Variants in SMOX observed in about 807,000 individuals in gnomAD.
The protein encoded by SMOX is spermine oxidase, also known as flavin containing amine oxidase.
Under a neutral mutation model 51.0 loss-of-function variants are expected in SMOX, and 22 were observed. The ratio of observed to expected loss-of-function variants is 0.43; its 90% CI spans 0.31 to 0.62. The LOEUF is 0.62. Ranked by LOEUF, SMOX falls within the 20% of genes least tolerant of loss-of-function variation. SMOX has a pLI of 0.10. For missense variants in SMOX, 566 were observed against 777.7 expected (o/e 0.73, Z 3.24); for synonymous variants, 282 against 307.8 (o/e 0.92, Z 0.88).
At chr20:4,156,658 C>T (rs1986032337) in intron 1 of SMOX, among the ~76,000 whole-genome samples, 1 of 152,216 alleles carries the variant, frequency 6.6e-6, no homozygotes, top group South Asian at 2.1e-4. Flanking sequence ...GGCAATGGCT[C>T]TGCCTCACTG....
At chr20:4,150,472 T>C (rs1026319162) in intron 1 of SMOX, among the ~76,000 whole-genome samples, 2 of 152,212 alleles carry the variant, frequency 1.3e-5, no homozygotes, top group Non-Finnish European at 2.9e-5. Context: ...CTGCCCTTTT[T>C]CTTAGACTTC....
At chr20:4,162,072 G>A (rs559708304) in intron 1 of SMOX, among the ~76,000 whole-genome samples, 2 of 152,040 alleles carry the variant, frequency 1.3e-5, no homozygotes, top group Middle Eastern at 3.4e-3. Context: ...GGCAGGTCGT[G>A]TGCCTCCTGG....
Position 4,187,206 on chromosome 20 carries a change from T to C in SMOX, c.1531-64T>C, listed in dbSNP as rs1351640783. 9 of 1,545,240 alleles carry C rather than the reference T, an allele frequency of 5.8e-6. No homozygotes were observed. Among genetic ancestry groups the C allele is most frequent in the Non-Finnish European group, 7.9e-6 (9 of 1,141,424 alleles). ...GATGGGAGGTTCTGGTGGAGAGGGG[T>C]GGCCTTGTGGCCTTCTGGCCTTTGC... On this transcript the variant is annotated intron_variant, in intron 6 of 6. Coordinates refer to ENST00000305958, the MANE Select transcript of SMOX (RefSeq NM_175839.3). This position sits in a 1 kb window ranked among gnomAD's most constrained non-coding sequence, Gnocchi z 4.8.
At chr20:4,168,629 TCA>T (rs1986680290) in intron 1 of SMOX, among the ~76,000 whole-genome samples, 1 of 151,586 alleles carries the variant, frequency 6.6e-6, no homozygotes, top group African/African-American at 2.4e-5. Context: ...CGATCTCGAC[TCA>T]CTGCACCCTC....
chr20:4,183,441 T>C lies in SMOX; in HGVS notation c.1370-53T>C. 6.2e-7 allele frequency: 1 copy of C among 1,613,468 alleles called. No homozygotes were observed. Among genetic ancestry groups the C allele is most frequent in the Non-Finnish European group, 8.5e-7 (1 of 1,179,644 alleles). Reference sequence around the variant, plus strand: ...GTTGTCCCTTTGGGGTCATCTTCCATATGCAGCCATTTCTTATCCTCCCTC... The same window carrying C: ...GTTGTCCCTTTGGGGTCATCTTCCACATGCAGCCATTTCTTATCCTCCCTC... On this transcript the variant is annotated intron_variant, in intron 5 of 6. Coordinates refer to ENST00000305958, the MANE Select transcript of SMOX (RefSeq NM_175839.3). The surrounding 1 kb of genome is among the most constrained non-coding windows in gnomAD (Gnocchi z 4.3).
rs1413155774 is a variant in SMOX, at chr20:4,181,589, C to T, written c.436-214C>T. Among the ~76,000 whole-genome samples, 2 of 152,198 alleles carry T rather than the reference C, an allele frequency of 1.3e-5. No homozygotes were observed. Among genetic ancestry groups the T allele is most frequent in the Non-Finnish European group, 2.9e-5 (2 of 68,042 alleles). ...GCAAGAAAACCTCCGGGGCTTATCCCACCTCCCCGACAGGCCGGAGGCGAG... is the reference window on the plus strand; with the variant it reads ...GCAAGAAAACCTCCGGGGCTTATCCTACCTCCCCGACAGGCCGGAGGCGAG... On this transcript the variant is annotated intron_variant, in intron 3 of 6. Transcript: ENST00000305958. The surrounding 1 kb of genome is among the most constrained non-coding windows in gnomAD (Gnocchi z 5.6).
chr20:4,168,113 C>CGGGGTG (rs1986647701), intron 1 of SMOX, among the ~76,000 whole-genome samples: 3 of 9,654 alleles, frequency 3.1e-4, no homozygotes, highest in Admixed American at 2.2e-3. Flanking sequence ...TGAGAAAGAG[C>CGGGGTG]GGGGTAGGGG....
chr20:4,167,337 A>G lies in SMOX; in HGVS notation c.-26-7693A>G, dbSNP rs750948781. Reference sequence around the variant, plus strand: ...GAGACAGAGCTCTGGGCCCTAGGAAAGGTGACTTCTGTACTGGTCTCTTTG... The same window carrying G: ...GAGACAGAGCTCTGGGCCCTAGGAAGGGTGACTTCTGTACTGGTCTCTTTG... On this transcript the variant is annotated intron_variant, in intron 1 of 6. Transcript: ENST00000305958. The surrounding 1 kb of genome is among the most constrained non-coding windows in gnomAD (Gnocchi z 4.8). Among the ~76,000 whole-genome samples the G allele has an allele frequency of 1.2e-4, 18 of 152,128 alleles. No individual in the cohort carries two copies. Among genetic ancestry groups the G allele is most frequent in the Non-Finnish European group, 1.3e-4 (9 of 68,008 alleles).
chr20:4,157,453 T>C (rs1480195484), intron 1 of SMOX, among the ~76,000 whole-genome samples: 2 of 152,136 alleles, frequency 1.3e-5, no homozygotes, highest in African/African-American at 4.8e-5. Context: ...CAGGACTGGC[T>C]TCCTGGAGGA....
Position 4,166,089 on chromosome 20 carries a change from A to G in SMOX, c.-26-8941A>G, listed in dbSNP as rs1030906428. On this transcript the variant is annotated intron_variant, in intron 1 of 6. Coordinates refer to ENST00000305958, the MANE Select transcript of SMOX (RefSeq NM_175839.3). The surrounding 1 kb of genome is among the most constrained non-coding windows in gnomAD (Gnocchi z 4.2). ...AAGTTCACAGGAGGTGTTCAGAGCA[A>G]TTGTGCCTAGCGCCTGATCTAATCT... Among the ~76,000 whole-genome samples the G allele has an allele frequency of 7.3e-5, 11 of 149,992 alleles. No homozygotes were observed. The highest frequency in any genetic ancestry group is 5.3e-4 in the Admixed American group (8 of 15,098).
In SMOX at chr20:4,182,505, C is replaced by T; in HGVS notation, c.1026C>T (p.Thr342=). The T allele has an allele frequency of 6.2e-7, 1 of 1,608,140 alleles. No homozygotes were observed. The highest frequency in any genetic ancestry group is 8.5e-7 in the Non-Finnish European group (1 of 1,176,614). Reference sequence around the variant, plus strand: ...TAGGTGTGCTAAAGAGGCAGTACACCAGTTTCTTCCGGCCAGGCCTGCCCA... The same window carrying T: ...TAGGTGTGCTAAAGAGGCAGTACACTAGTTTCTTCCGGCCAGGCCTGCCCA... ...VSLGVLKRQY[T]SFFRPGLPTE... is the part of the protein sequence containing the mutation. The change falls in exon 5 of 7, where the codon ACC becomes ACT. Residue 342 remains threonine (T), a synonymous_variant. Transcript: ENST00000305958. This position sits in a 1 kb window ranked among gnomAD's most constrained non-coding sequence, Gnocchi z 8.4.
chr20:4,170,403 C>A lies in SMOX; in HGVS notation c.-26-4627C>A, dbSNP rs1188296528. ...GCTTGGCAGGGTCAGACGTTGGAGA[C>A]CAGGACTAACGCGTGTCTCTCTAGT... On this transcript the variant is annotated intron_variant, in intron 1 of 6. Transcript: ENST00000305958. This position sits in a 1 kb window ranked among gnomAD's most constrained non-coding sequence, Gnocchi z 4.6. Among the ~76,000 whole-genome samples the A allele has an allele frequency of 6.6e-6, 1 of 152,114 alleles. No individual in the cohort carries two copies. The highest frequency in any genetic ancestry group is 1.5e-5 in the Non-Finnish European group (1 of 68,026).
At chr20:4,156,240 T>C (rs1986016170) in intron 1 of SMOX, among the ~76,000 whole-genome samples, 1 of 152,072 alleles carries the variant, frequency 6.6e-6, no homozygotes, top group Admixed American at 6.5e-5. Context: ...TGACTGCCAA[T>C]AATGTCCCAC....
chr20:4,180,948 G>A (rs906914287), intron 3 of SMOX, among the ~76,000 whole-genome samples: 26 of 152,092 alleles, frequency 1.7e-4, no homozygotes, highest in Non-Finnish European at 2.4e-4. Flanking sequence ...CACAGAGCCC[G>A]GTAAATGTTG....
At chr20:4,178,667 C>CTT (rs1431443061) in intron 3 of SMOX, among the ~76,000 whole-genome samples, 3 of 143,184 alleles carry the variant, frequency 2.1e-5, no homozygotes, top group Admixed American at 1.5e-4. Flanking sequence ...TGTGCATTTT[C>CTT]TTTTCTTTCT....
chr20:4,150,865 C>G (rs910919797), intron 1 of SMOX, among the ~76,000 whole-genome samples: 1 of 128,004 alleles, frequency 7.8e-6, no homozygotes, highest in Non-Finnish European at 1.6e-5. Context: ...GAGTTTCGCT[C>G]TTTTCGCCCA....
chr20:4,160,932 C>T (rs1986281288), intron 1 of SMOX, among the ~76,000 whole-genome samples: 1 of 152,166 alleles, frequency 6.6e-6, no homozygotes, highest in African/African-American at 2.4e-5. Flanking sequence ...GCCGGAGACC[C>T]CACCCCCTCC....
intron 1 of SMOX, among the ~76,000 whole-genome samples, chr20:4,174,483 T>A (rs756574816): frequency 6.6e-6 from 1 of 151,554 alleles, no homozygotes; most frequent in Non-Finnish European, 1.5e-5. Flanking sequence ...TATCTTGGGG[T>A]CCAGGCAAGT....
chr20:4,168,113 C>CCGGGTG (rs1568736834), intron 1 of SMOX, among the ~76,000 whole-genome samples: 1 of 9,540 alleles, frequency 1.0e-4, no homozygotes, highest in Admixed American at 1.1e-3. Context: ...TGAGAAAGAG[C>CCGGGTG]GGGGTAGGGG....
Sources: allele counts gnomAD v4.1 joint callset (sites outside exome capture counted in the v4.1 genomes callset), GRCh38; gene constraint gnomAD v4.1.1; non-coding constraint Gnocchi (gnomAD v3.1); transcripts MANE v1.5; gene names NCBI Gene and HGNC (gene_info 2026-07-23, HGNC 2026-07-21).